The following ST7 variants were observed in gnomAD, a reference collection of about 807,000 sequenced individuals.
ST7 encodes suppressor of tumorigenicity 7 protein.
In ST7, 28 loss-of-function variants were observed where a neutral mutation model predicts 78.7. The observed-to-expected ratio is 0.36, with a 90% CI of 0.26 to 0.49. The LOEUF (loss-of-function observed/expected upper bound fraction) is 0.49, where lower values mean the gene tolerates loss of function less well. Among genes scored for constraint, ST7 ranks in the 20% least tolerant of loss-of-function variants. The probability of loss-of-function intolerance (pLI) is 0.99; values close to 1 mark genes in which losing one functional copy is unlikely to be tolerated. For missense variants in ST7, 418 were observed against 696.0 expected, an observed-to-expected ratio of 0.60 and a Z score of 4.49; for synonymous variants, 247 against 249.6, an observed-to-expected ratio of 0.99 and a Z score of 0.10.
chr7:116,956,746 T>G (rs1316553044), intron 1 of ST7: 1 of 432,698 alleles, frequency 2.3e-6, no homozygotes. Context: ...AACTCGATTT[T>G]TTTTTAATTT....
In ST7 at chr7:117,219,712, G is replaced by C. The variant is rs977018308; in HGVS notation, c.1498+536G>C. Among the ~76,000 whole-genome samples, 8 of 152,208 alleles carry C rather than the reference G, an allele frequency of 5.3e-5. No homozygotes were observed. Among genetic ancestry groups the C allele is most frequent in the Non-Finnish European group, 7.3e-5 (5 of 68,034 alleles). On this transcript the variant is annotated intron_variant, in intron 14 of 15. Coordinates refer to ENST00000323984, the MANE Select transcript of ST7 (RefSeq NM_001369598.1). This position sits in a 1 kb window ranked among gnomAD's most constrained non-coding sequence, Gnocchi z 5.1. ...GGGATTTCCCGTGAGCACCTCGTGG[G>C]TTGCATGTAGTGACTCGGAGTACCA... is the stretch of plus-strand genomic sequence containing the variant.
intron 2 of ST7, among the ~76,000 whole-genome samples, chr7:117,115,344 G>A (rs961663649): frequency 1.3e-5 from 2 of 150,522 alleles, no homozygotes; most frequent in Non-Finnish European, 3.0e-5. Flanking sequence ...AGTGAGAAGT[G>A]GTAGGTTACT....
At chr7:117,055,201 A>C (rs1425189940) in intron 1 of ST7, among the ~76,000 whole-genome samples, 3 of 151,502 alleles carry the variant, frequency 2.0e-5, no homozygotes, top group Non-Finnish European at 4.4e-5. Flanking sequence ...CTGCTCCTTA[A>C]TTTTTTTATT....
At chr7:117,044,859 C>T (rs188574601) in intron 1 of ST7, among the ~76,000 whole-genome samples, 166 of 152,274 alleles carry the variant, frequency 1.1e-3, no homozygotes, top group African/African-American at 3.9e-3. Flanking sequence ...ACCCAGTTGC[C>T]TAGTCAGCAT....
At chr7:116,969,096 A>G (rs1793287451) in intron 1 of ST7, among the ~76,000 whole-genome samples, 1 of 152,230 alleles carries the variant, frequency 6.6e-6, no homozygotes, top group Non-Finnish European at 1.5e-5. Flanking sequence ...CTCTTTTTCA[A>G]AAAAACTATT....
rs542996689 is a variant in ST7 at position 117,083,054 on chromosome 7, A to G, written c.152-16708A>G. Reference sequence around the variant, plus strand: ...TTTTTCTGCTATTTTATTTTATTTTATATTTTTATTTTATTTTATGTTGAG... The same window carrying G: ...TTTTTCTGCTATTTTATTTTATTTTGTATTTTTATTTTATTTTATGTTGAG... On this transcript the variant is annotated intron_variant, in intron 1 of 15. Coordinates refer to ENST00000323984, the MANE Select transcript of ST7 (RefSeq NM_001369598.1). Among the ~76,000 whole-genome samples, 34 of 151,984 alleles carry G rather than the reference A, an allele frequency of 2.2e-4. 1 individual carries two copies. The South Asian group carries it at 2.7e-3, about 12-fold the overall frequency.
chr7:116,967,228 A>G, intron 1 of ST7: 1 of 466,568 alleles, frequency 2.1e-6, no homozygotes, highest in South Asian at 1.6e-5. Context: ...ATGAATAGGT[A>G]GTAATTCTGA....
At chr7:117,051,005 A>G (rs933179396) in intron 1 of ST7, among the ~76,000 whole-genome samples, 16 of 152,172 alleles carry the variant, frequency 1.1e-4, no homozygotes, top group African/African-American at 3.9e-4. Flanking sequence ...TAAATCTCCA[A>G]ATTTTTTTTC....
chr7:117,209,978 A>G (rs765736211), intron 13 of ST7, 41 bp downstream of exon 13: 1 of 1,594,942 alleles, frequency 6.3e-7, no homozygotes, highest in Non-Finnish European at 8.5e-7. Context: ...TAAGAGCATG[A>G]AAAGGTGCTA....
In ST7 at chr7:117,222,005, C is replaced by G. The variant is rs764531885; in HGVS notation, c.1581C>G (p.Ala527=). The G allele has an allele frequency of 6.2e-7, 1 of 1,612,910 alleles. No homozygotes were observed. Among genetic ancestry groups the G allele is most frequent in the Non-Finnish European group, 8.5e-7 (1 of 1,179,518 alleles). ...CTGCTGGATTATGTTCCTTCACAGC[C>G]ATGCTGGCCCTCCTGACACATCAGT... ...LFTAGLCSFT[A]MLALLTHQFP... is the part of the protein sequence containing the mutation. Residue 527 remains alanine (A), a synonymous_variant, in exon 15 of 16, where the codon GCC becomes GCG. Coordinates refer to ENST00000323984, the MANE Select transcript of ST7 (RefSeq NM_001369598.1).
intron 1 of ST7, among the ~76,000 whole-genome samples, chr7:117,012,721 G>T (rs1795438217): frequency 6.6e-6 from 1 of 151,996 alleles, no homozygotes; most frequent in South Asian, 2.1e-4. Flanking sequence ...TAGTATGTAA[G>T]TAAACCAAGG....
At chr7:116,969,243 CTT>C (rs1793295894) in intron 1 of ST7, among the ~76,000 whole-genome samples, 1 of 152,044 alleles carries the variant, frequency 6.6e-6, no homozygotes, top group African/African-American at 2.4e-5. Flanking sequence ...TTTTTGATAA[CTT>C]TACAATTTTG....
At chr7:117,152,976 T>C (rs1279147854) in intron 9 of ST7, among the ~76,000 whole-genome samples, 1 of 152,190 alleles carries the variant, frequency 6.6e-6, no homozygotes, top group Non-Finnish European at 1.5e-5. Context: ...AGTTCAAATG[T>C]TCTGGGTTTA....
chr7:117,105,320 C>T (rs866931873), intron 2 of ST7, among the ~76,000 whole-genome samples: 23 of 152,142 alleles, frequency 1.5e-4, no homozygotes, highest in African/African-American at 4.6e-4. Flanking sequence ...CTGGGAAGGT[C>T]ACGCAGGCTG....
intron 1 of ST7, among the ~76,000 whole-genome samples, chr7:116,980,807 A>G (rs1793924370): frequency 6.6e-6 from 1 of 152,218 alleles, no homozygotes; most frequent in African/African-American, 2.4e-5. Context: ...CTTCAAAATA[A>G]CCACAGTATA....
chr7:117,143,412 A>G (rs2117104125), intron 9 of ST7, among the ~76,000 whole-genome samples: 1 of 152,124 alleles, frequency 6.6e-6, no homozygotes, highest in African/African-American at 2.4e-5. Flanking sequence ...TTTCCCTAAA[A>G]TCTCATAATC....
chr7:117,095,896 C>T (rs948711736), intron 1 of ST7, among the ~76,000 whole-genome samples: 6 of 151,400 alleles, frequency 4.0e-5, no homozygotes, highest in Non-Finnish European at 8.8e-5. Flanking sequence ...GGTGAACCCC[C>T]GTCTCTACTA....
intron 2 of ST7, among the ~76,000 whole-genome samples, chr7:117,106,451 CAGTT>C (rs747376753): frequency 4.4e-4 from 66 of 151,576 alleles, no homozygotes; most frequent in Non-Finnish European, 6.2e-4. Flanking sequence ...TTTTGGGAAA[CAGTT>C]GGTATTTCCT....
chr7:117,214,465 G>A (rs1792532137), intron 13 of ST7, among the ~76,000 whole-genome samples: 1 of 152,154 alleles, frequency 6.6e-6, no homozygotes, highest in African/African-American at 2.4e-5. Context: ...GCTGCTCACT[G>A]TAAGATGTGG....
Sources: gnomAD v4.1 joint callset for allele counts (sites outside exome capture counted in the v4.1 genomes callset) on GRCh38, gnomAD v4.1.1 for gene constraint, Gnocchi (gnomAD v3.1) non-coding constraint, MANE v1.5 for transcripts, NCBI Gene and HGNC (gene_info 2026-07-23, HGNC 2026-07-21) for gene names.